Variants in TRAK1 observed in about 807,000 individuals in gnomAD.
TRAK1 encodes trafficking kinesin protein 1, also known as trafficking kinesin-binding protein 1.
A neutral mutation model predicts 92.1 loss-of-function variants in TRAK1; 33 were observed. The observed-to-expected ratio is 0.36, with a 90% CI of 0.27 to 0.48. The LOEUF (loss-of-function observed/expected upper bound fraction) is 0.48, where lower values mean the gene tolerates loss of function less well. Ranked by LOEUF, TRAK1 falls within the 20% of genes least tolerant of loss-of-function variation. The pLI is 0.99. For missense variants in TRAK1, 1,123 were observed against 1,257.9 expected (o/e 0.89, Z 1.62); for synonymous variants, 521 against 517.3 (o/e 1.01, Z -0.10).
chr3:42,203,510 T>C (rs1707950318), intron 13 of TRAK1: 1 of 984,314 alleles, frequency 1.0e-6, no homozygotes, highest in Non-Finnish European at 1.2e-6. Flanking sequence ...TTTTTTTTTT[T>C]TTTTTAATTT....
intron 1 of TRAK1, among the ~76,000 whole-genome samples, chr3:42,119,030 A>G (rs1209637025): frequency 1.3e-5 from 2 of 152,178 alleles, no homozygotes; most frequent in Non-Finnish European, 2.9e-5. Context: ...TAGTCCTGCC[A>G]CCGGCTGCTG....
intron 14 of TRAK1, among the ~76,000 whole-genome samples, chr3:42,216,393 C>A (rs935720846): frequency 6.6e-6 from 1 of 152,190 alleles, no homozygotes; most frequent in Non-Finnish European, 1.5e-5. Context: ...GGAGCATGGG[C>A]ACTCAGTGCC....
chr3:42,019,291 T>G (rs1451839455), intron 1 of TRAK1, among the ~76,000 whole-genome samples: 1 of 152,118 alleles, frequency 6.6e-6, no homozygotes, highest in Non-Finnish European at 1.5e-5. Context: ...AAAAAGTGCT[T>G]TTTTTAGAGA....
At chr3:42,197,498 T>A (rs1706922139) in intron 10 of TRAK1, among the ~76,000 whole-genome samples, 2 of 152,182 alleles carry the variant, frequency 1.3e-5, no homozygotes, top group Admixed American at 1.3e-4. Flanking sequence ...TCTGAAGAAG[T>A]GGAACCCACA....
At chr3:42,143,005 G>A (rs947162661) in intron 2 of TRAK1, among the ~76,000 whole-genome samples, 11 of 152,040 alleles carry the variant, frequency 7.2e-5, no homozygotes, top group African/African-American at 2.7e-4. Flanking sequence ...TTCCCTGCCC[G>A]AAGACTTGGA....
intron 1 of TRAK1, among the ~76,000 whole-genome samples, chr3:42,068,426 G>A (rs550757705): frequency 1.6e-4 from 24 of 152,246 alleles, no homozygotes; most frequent in South Asian, 4.1e-4. Context: ...TTGGTCTCCC[G>A]AAGCACTGTG....
At chr3:42,104,796 C>T (rs892609738) in intron 1 of TRAK1, among the ~76,000 whole-genome samples, 1 of 152,302 alleles carries the variant, frequency 6.6e-6, no homozygotes, top group African/African-American at 2.4e-5. Flanking sequence ...CTCTTCTCCT[C>T]CAAAGGAATG....
intron 1 of TRAK1, among the ~76,000 whole-genome samples, chr3:42,119,457 A>T (rs755562750): frequency 1.3e-5 from 2 of 152,192 alleles, no homozygotes; most frequent in Non-Finnish European, 2.9e-5. Flanking sequence ...TTGATAAGAA[A>T]GGCTGTTAGG....
At chr3:42,086,311 C>CTTTCTTTTTTT (rs1553711095), upstream of TRAK1, among the ~76,000 whole-genome samples, 5 of 140,478 alleles carry the variant, frequency 3.6e-5, no homozygotes, top group African/African-American at 1.4e-4. Context: ...CTTTTTCTTT[C>CTTTCTTTTTTT]TTTTTTTTTT....
intron 1 of TRAK1, among the ~76,000 whole-genome samples, chr3:42,020,370 C>G (rs1576090812): frequency 6.6e-6 from 1 of 152,126 alleles, no homozygotes; most frequent in African/African-American, 2.4e-5. Context: ...GATAATTGTG[C>G]CTGTTTTGGG....
At chr3:42,100,426 G>T (rs573898856) in intron 1 of TRAK1, among the ~76,000 whole-genome samples, 2 of 152,300 alleles carry the variant, frequency 1.3e-5, no homozygotes, top group South Asian at 2.1e-4. Flanking sequence ...TAGAAGAAAA[G>T]AAATCTTCTC....
At chr3:42,134,584 T>A (rs1191646592) in intron 2 of TRAK1, among the ~76,000 whole-genome samples, 4 of 32,084 alleles carry the variant, frequency 1.2e-4, no homozygotes, top group South Asian at 1.7e-3. Flanking sequence ...GTCTCTTTTT[T>A]TTTTTTTTTT....
intron 3 of TRAK1, among the ~76,000 whole-genome samples, chr3:42,182,201 G>T (rs1234483754): frequency 1.3e-5 from 2 of 152,120 alleles, no homozygotes; most frequent in Admixed American, 1.3e-4. Context: ...TTTGCCCCGT[G>T]AGAGGGCCGT....
intron 3 of TRAK1, among the ~76,000 whole-genome samples, chr3:42,183,916 T>C (rs921940919): frequency 6.6e-6 from 1 of 152,224 alleles, no homozygotes; most frequent in Non-Finnish European, 1.5e-5. Flanking sequence ...TGACTTTATA[T>C]GCCACTCCAA....
chr3:42,066,045 G>T (rs1474363282), intron 1 of TRAK1, among the ~76,000 whole-genome samples: 4 of 152,172 alleles, frequency 2.6e-5, no homozygotes, highest in African/African-American at 9.7e-5. Context: ...TTTAGTTGAG[G>T]CTGGGTCCAG....
At chr3:42,024,045 G>A (rs1278551028) in intron 1 of TRAK1, among the ~76,000 whole-genome samples, 1 of 152,102 alleles carries the variant, frequency 6.6e-6, no homozygotes, top group Non-Finnish European at 1.5e-5. Flanking sequence ...GTGAGCCACC[G>A]TGACCGGCTA....
At chr3:42,113,389 TACCCCTACCTCTACC>T (rs1708740437) in intron 1 of TRAK1, among the ~76,000 whole-genome samples, 1 of 22,846 alleles carries the variant, frequency 4.4e-5, no homozygotes, top group South Asian at 1.7e-3. Context: ...CCCCTACCCC[TACCCCTACCTCTACC>T]CCTACCCCTA....
intron 1 of TRAK1, among the ~76,000 whole-genome samples, chr3:42,098,259 A>G (rs1706234540): frequency 6.6e-6 from 1 of 151,534 alleles, no homozygotes; most frequent in Non-Finnish European, 1.5e-5. Flanking sequence ...AGGTGGATCT[A>G]GGTTGGTGAC....
chr3:42,160,190 T>A, intron 2 of TRAK1: 1 of 1,302,578 alleles, frequency 7.7e-7, no homozygotes. Flanking sequence ...GGCCAGGAGC[T>A]TTGTGTACAC....
Sources: gnomAD v4.1 joint callset for allele counts (sites outside exome capture counted in the v4.1 genomes callset) on GRCh38, gnomAD v4.1.1 for gene constraint, MANE v1.5 for transcripts, NCBI Gene and HGNC (gene_info 2026-07-23, HGNC 2026-07-21) for gene names.